Variants in MCF2 observed in about 807,000 individuals in gnomAD.
MCF2 encodes the protein MCF.2 cell line derived transforming sequence.
MCF2 carries 44 observed loss-of-function variants against 82.5 expected under a neutral mutation model. The ratio of observed to expected loss-of-function variants is 0.53; its 90% CI spans 0.42 to 0.69. The LOEUF is 0.69. MCF2 is among the 30% of genes least tolerant of loss of function. MCF2 has a pLI of 0.00. For synonymous variants in MCF2, 217 were observed against 224.9 expected, an observed-to-expected ratio of 0.96 and a Z score of 0.32; for missense variants, 623 against 663.1, an observed-to-expected ratio of 0.94 and a Z score of 0.66.
intron 1 of MCF2, 35 bp from the exon 5 acceptor site, chrX:139,632,489 A>G (rs767654851): frequency 2.6e-6 from 3 of 1,169,078 alleles, no homozygotes; most frequent in Non-Finnish European, 2.3e-6. Context: ...ATTGGAAAAA[A>G]AATTGTCAAC....
intron 17 of MCF2, among the ~76,000 whole-genome samples, chrX:139,598,042 G>A (rs960409919): frequency 1.8e-5 from 2 of 111,816 alleles, no homozygotes; most frequent in Admixed American, 9.5e-5. Context: ...AGTGCCATTC[G>A]CATTTTTCAT....
intron 15 of MCF2, among the ~76,000 whole-genome samples, chrX:139,603,077 C>T (rs888094051): frequency 1.8e-5 from 2 of 111,878 alleles, no homozygotes; most frequent in African/African-American, 6.5e-5. Flanking sequence ...TGCAAGACGC[C>T]CCTCTTCTGG....
chrX:139,651,622 C>T, intron 2 of MCF2, 98 bp downstream of exon 2: 1 of 472,772 alleles, frequency 2.1e-6, no homozygotes, highest in Non-Finnish European at 3.6e-6. Context: ...TATAATAGCT[C>T]TATATATAGA....
intron 1 of MCF2, among the ~76,000 whole-genome samples, chrX:139,694,813 T>C (rs1325589771): frequency 1.8e-5 from 2 of 110,331 alleles, no homozygotes; most frequent in Non-Finnish European, 3.8e-5. Context: ...AAATCCATTA[T>C]CCATAATGGA....
intron 1 of MCF2, among the ~76,000 whole-genome samples, chrX:139,634,695 G>A (rs1023207405): frequency 5.4e-5 from 6 of 111,811 alleles, no homozygotes; most frequent in Non-Finnish European, 9.4e-5. Flanking sequence ...CCCTTCATCT[G>A]AGAAACGACT....
intron 1 of MCF2, among the ~76,000 whole-genome samples, chrX:139,640,117 G>A (rs762222351): frequency 2.7e-5 from 3 of 111,471 alleles, no homozygotes; most frequent in Non-Finnish European, 1.9e-5. Flanking sequence ...ATGCACACTC[G>A]GATTTACTGT....
At chrX:139,599,242 T>C (rs1180185333) in intron 16 of MCF2, among the ~76,000 whole-genome samples, 2 of 106,890 alleles carry the variant, frequency 1.9e-5, no homozygotes, top group East Asian at 3.0e-4. Context: ...AAAGTGATTG[T>C]GGTTTTTGCC....
chrX:139,625,620 T>C (rs1932723704), intron 6 of MCF2, among the ~76,000 whole-genome samples: 1 of 111,601 alleles, frequency 9.0e-6, no homozygotes, highest in Non-Finnish European at 1.9e-5. Context: ...TGTGATAAGG[T>C]TGAACATGAC....
intron 3 of MCF2, among the ~76,000 whole-genome samples, chrX:139,630,182 TC>T (rs1303676028): frequency 1.8e-5 from 2 of 112,124 alleles, no homozygotes; most frequent in East Asian, 5.6e-4. Context: ...TTTTCCTTAT[TC>T]TATAAACTCT....
chrX:139,638,568 T>G (rs1489149004), intron 1 of MCF2, among the ~76,000 whole-genome samples: 3 of 111,695 alleles, frequency 2.7e-5, no homozygotes, highest in Non-Finnish European at 3.8e-5. Flanking sequence ...CTACATGTTG[T>G]CATGTGGCAA....
chrX:139,603,811 G>A (rs1930759040), intron 15 of MCF2, among the ~76,000 whole-genome samples: 1 of 111,404 alleles, frequency 9.0e-6, no homozygotes, highest in South Asian at 3.8e-4. Flanking sequence ...CTCCAGCCTG[G>A]GTGACAGAGT....
chrX:139,698,856 T>C (rs1177000431), intron 1 of MCF2, among the ~76,000 whole-genome samples: 2 of 112,058 alleles, frequency 1.8e-5, no homozygotes, highest in East Asian at 5.6e-4. Flanking sequence ...CAGTTGCTGT[T>C]ACTACTAATA....
At chrX:139,633,062 T>C (rs999575990) in intron 1 of MCF2, among the ~76,000 whole-genome samples, 1 of 111,623 alleles carries the variant, frequency 9.0e-6, no homozygotes, top group African/African-American at 3.3e-5. Flanking sequence ...TTAACTAAAT[T>C]GATAAGTAAT....
intron 1 of MCF2, among the ~76,000 whole-genome samples, chrX:139,693,216 T>TA (rs1304180049): frequency 1.8e-5 from 2 of 110,825 alleles, no homozygotes; most frequent in East Asian, 2.8e-4. Context: ...TGTTAGCATT[T>TA]AAAAAAAATG....
At chrX:139,704,843 C>T (rs1009278038) in intron 1 of MCF2, among the ~76,000 whole-genome samples, 9 of 110,130 alleles carry the variant, frequency 8.2e-5, no homozygotes, top group Admixed American at 3.9e-4. Context: ...AGTGCTATTC[C>T]TATCAAACTG....
intron 16 of MCF2, among the ~76,000 whole-genome samples, chrX:139,601,170 C>A (rs1248564994): frequency 9.0e-6 from 1 of 110,877 alleles, no homozygotes; most frequent in East Asian, 2.8e-4. Flanking sequence ...ATCCAATATC[C>A]GTACAACAGA....
upstream of MCF2, chrX:139,646,763 G>GA (rs763864012): frequency 1.6e-5 from 14 of 868,005 alleles, no homozygotes; most frequent in Middle Eastern, 2.8e-4. Context: ...AAAGCGAATT[G>GA]AAAAAAATGT....
intron 1 of MCF2, chrX:139,691,934 C>CAGG (rs1400487395): frequency 8.6e-7 from 1 of 1,164,634 alleles, no homozygotes; most frequent in Admixed American, 2.6e-5. Flanking sequence ...AGACTGCTTG[C>CAGG]AGGAGGCAGA....
intron 2 of MCF2, among the ~76,000 whole-genome samples, chrX:139,650,550 A>C (rs980435319): frequency 7.2e-5 from 8 of 111,865 alleles, no homozygotes; most frequent in Admixed American, 6.7e-4. Context: ...ACAATGTATT[A>C]ATATATACCA....
Sources: allele counts gnomAD v4.1 joint callset (sites outside exome capture counted in the v4.1 genomes callset), GRCh38; gene constraint gnomAD v4.1.1; transcripts MANE v1.5; gene names NCBI Gene and HGNC (gene_info 2026-07-23, HGNC 2026-07-21).